Variants in KIF14 observed in about 807,000 individuals in gnomAD.
KIF14 encodes the protein kinesin family member 14, also known as kinesin-like protein KIF14.
A neutral mutation model predicts 176.2 loss-of-function variants in KIF14; 98 were observed. The ratio of observed to expected loss-of-function variants is 0.56; its 90% CI spans 0.47 to 0.66. KIF14 has a LOEUF of 0.66. KIF14 is among the 30% of genes least tolerant of loss of function. KIF14 has a pLI of 0.00. For synonymous variants in KIF14, 566 were observed against 632.2 expected, an observed-to-expected ratio of 0.90 and a Z score of 1.57; for missense variants, 1,751 against 1,920.4, an observed-to-expected ratio of 0.91 and a Z score of 1.65.
chr1:200,598,998 G>A (rs1055342018), intron 13 of KIF14, among the ~76,000 whole-genome samples: 17 of 151,982 alleles, frequency 1.1e-4, no homozygotes, highest in Non-Finnish European at 1.3e-4. Flanking sequence ...TTGACTGACC[G>A]TCTTTAGAAT....
At chr1:200,608,455 C>A (rs1659994032) in intron 5 of KIF14, among the ~76,000 whole-genome samples, 1 of 151,892 alleles carries the variant, frequency 6.6e-6, no homozygotes, top group African/African-American at 2.4e-5. Flanking sequence ...ACCTGCCTCC[C>A]AGGTTCAAGC....
intron 26 of KIF14, among the ~76,000 whole-genome samples, 177 bp from the exon 27 acceptor site, chr1:200,559,629 A>G (rs1657020424): frequency 6.6e-6 from 1 of 152,230 alleles, no homozygotes; most frequent in African/African-American, 2.4e-5. Flanking sequence ...AATAAGAACT[A>G]ACAGTCTGTG....
rs758058594 is a variant in KIF14 at position 200,617,781 on chromosome 1, GT to G, written c.942del (p.Lys314AsnfsTer28). 61 of 1,614,016 alleles carry G rather than the reference GT, an allele frequency of 3.8e-5. No homozygotes were observed. The highest frequency in any genetic ancestry group is 5.0e-5 in the Non-Finnish European group (59 of 1,180,002). On this transcript the variant is annotated frameshift_variant, in exon 2 of 30. Coordinates refer to ENST00000367350, the MANE Select transcript of KIF14 (RefSeq NM_014875.3). LOFTEE classifies it high-confidence loss of function. ...GCAAGAAAGGAACTTTTTGGTCTTT[GT>G]TTAACTTGAAGGTTAGACATTCTAT... ...LKNRMSNLQV[K>X]QRPKSSFLAN...
chr1:200,584,705 A>G (rs1658645379), intron 19 of KIF14, among the ~76,000 whole-genome samples: 1 of 152,236 alleles, frequency 6.6e-6, no homozygotes, highest in Admixed American at 6.5e-5. Flanking sequence ...ATGTACCTCA[A>G]CATAATAAAG....
chr1:200,612,005 T>TC (rs937813528), intron 4 of KIF14, among the ~76,000 whole-genome samples: 14 of 151,852 alleles, frequency 9.2e-5, no homozygotes, highest in African/African-American at 3.4e-4. Flanking sequence ...ATGCTCTTTT[T>TC]TTTTTTCTTT....
At chr1:200,611,357 C>A (rs939485233) in intron 4 of KIF14, among the ~76,000 whole-genome samples, 1 of 152,000 alleles carries the variant, frequency 6.6e-6, no homozygotes, top group Non-Finnish European at 1.5e-5. Flanking sequence ...AACTCAGAAG[C>A]TAATTGGAGA....
At chr1:200,586,773 G>GTATATATATATACATACATATATATATA (rs1658762085) in intron 18 of KIF14, among the ~76,000 whole-genome samples, 1 of 103,712 alleles carries the variant, frequency 9.6e-6, no homozygotes, top group African/African-American at 3.9e-5. Flanking sequence ...AAAATATGGT[G>GTATATATATATACATACATATATATATA]TATATATATA....
rs1660501983 is a variant in KIF14 at position 200,618,165 on chromosome 1, C to A, written c.559G>T (p.Val187Phe). 1 of 1,613,922 alleles carries A rather than the reference C, an allele frequency of 6.2e-7. No individual in the cohort carries two copies. Residue 187 changes from valine (V) to phenylalanine (F), a missense_variant, in exon 2 of 30, where the codon GTC becomes TTC. Physicochemically the swap from Val to Phe is conservative, Grantham distance 50 (BLOSUM62 -1). Coordinates refer to ENST00000367350, the MANE Select transcript of KIF14 (RefSeq NM_014875.3). ...SSVPLDEDPQ[V>F]IEMMADKKYK... is the part of the protein sequence containing the mutation. ...TTCTTATCAGCCATCATTTCAATGA[C>A]CTGTGGATCTTCATCTAAAGGTACA...
At chr1:200,567,532 T>TAA (rs35456574) in intron 23 of KIF14, among the ~76,000 whole-genome samples, 37,405 of 127,430 alleles carry the variant, frequency 0.29, 6,798 homozygotes, top group Non-Finnish European at 0.41. Context: ...AGACTCCGTC[T>TAA]AAAAAAAAAA....
At chr1:200,596,110 C>G (rs2102708655) in intron 14 of KIF14, among the ~76,000 whole-genome samples, 1 of 151,948 alleles carries the variant, frequency 6.6e-6, no homozygotes, top group East Asian at 1.9e-4. Context: ...AACAATTAGC[C>G]AGGCGTGGTA....
intron 2 of KIF14, among the ~76,000 whole-genome samples, chr1:200,617,160 G>T (rs1308269460): frequency 1.3e-5 from 2 of 152,140 alleles, no homozygotes; most frequent in Admixed American, 6.6e-5. Context: ...TAGAGACAGG[G>T]TATCACCATA....
At chr1:200,599,949 T>A in intron 13 of KIF14, 101 bp downstream of exon 13, 1 of 693,146 alleles carries the variant, frequency 1.4e-6, no homozygotes, top group Non-Finnish European at 2.5e-6. Context: ...ATATAGTAAG[T>A]ATTTGAAACA....
At chr1:200,599,954 G>A (rs1261506597) in intron 13 of KIF14, 96 bp downstream of exon 13, 2 of 722,470 alleles carry the variant, frequency 2.8e-6, no homozygotes, top group African/African-American at 3.6e-5. Context: ...GTAAGTATTT[G>A]AAACATTAAA....
rs1659857152 is a variant in KIF14 at position 200,605,895 on chromosome 1, C to T, written c.1608-1G>A. 2 of 1,523,730 alleles carry T rather than the reference C, an allele frequency of 1.3e-6. No individual in the cohort carries two copies. Among genetic ancestry groups the T allele is most frequent in the Admixed American group, 2.1e-5 (1 of 47,124 alleles). The allele number at this position is 1,523,730 out of a possible 1,614,324, so 94.4% of individuals were successfully genotyped here. A position where few individuals can be genotyped will look rare whatever the true frequency, so the allele number is the denominator to read the frequency against. On this transcript the variant is annotated splice_acceptor_variant, in intron 6 of 29. Transcript: ENST00000367350. LOFTEE classifies it high-confidence loss of function. The stretch of plus-strand genomic sequence containing the variant: ...ATCAGCGTAAGAACTGACAATGTTC[C>T]TATTTTTAAGAAGTGAAAAGACAAA...
chr1:200,612,881 C>CTTTTTTTTTTTTTTTTT (rs58120760), intron 4 of KIF14, among the ~76,000 whole-genome samples: 4 of 79,102 alleles, frequency 5.1e-5, no homozygotes, highest in Non-Finnish European at 9.5e-5. Flanking sequence ...AGTTTATTCT[C>CTTTTTTTTTTTTTTTTT]TTTTTTTTTT....
At chr1:200,593,445 T>A (rs1450706409) in intron 15 of KIF14, among the ~76,000 whole-genome samples, 1 of 152,222 alleles carries the variant, frequency 6.6e-6, no homozygotes, top group Non-Finnish European at 1.5e-5. Flanking sequence ...ATAGGACACA[T>A]AATGATGCTA....
intron 18 of KIF14, among the ~76,000 whole-genome samples, chr1:200,588,885 G>T (rs112207400): frequency 1.8e-4 from 27 of 152,316 alleles, no homozygotes; most frequent in Middle Eastern, 3.4e-3. Context: ...CAGTGTAAGA[G>T]CTGTGCCTTT....
At chr1:200,597,334 G>A (rs1659404146) in intron 14 of KIF14, among the ~76,000 whole-genome samples, 1 of 152,050 alleles carries the variant, frequency 6.6e-6, no homozygotes, top group Non-Finnish European at 1.5e-5. Context: ...ATACCAAAAA[G>A]CTCACGAAAG....
At chr1:200,619,055 A>G (rs373289158) in intron 1 of KIF14, among the ~76,000 whole-genome samples, 11 of 152,258 alleles carry the variant, frequency 7.2e-5, no homozygotes, top group East Asian at 3.8e-4. Flanking sequence ...CATTAGTGCC[A>G]GGCCCTCTGA....
Sources: allele counts gnomAD v4.1 joint callset (sites outside exome capture counted in the v4.1 genomes callset), GRCh38; gene constraint gnomAD v4.1.1; transcripts MANE v1.5; gene names NCBI Gene and HGNC (gene_info 2026-07-23, HGNC 2026-07-21).